FBXL14: variants seen among roughly 807,000 people sequenced by gnomAD.
The protein encoded by FBXL14 is F-box and leucine rich repeat protein 14.
Under a neutral mutation model 24.5 loss-of-function variants are expected in FBXL14, and 11 were observed. That is an observed-to-expected ratio of 0.45 (90% confidence interval 0.28 to 0.74). The LOEUF (loss-of-function observed/expected upper bound fraction) is 0.74. FBXL14 is among the 30% of genes least tolerant of loss of function. The pLI, the probability that FBXL14 is intolerant of heterozygous loss-of-function variation, is 0.12. For synonymous variants in FBXL14, 294 were observed against 240.4 expected (o/e 1.22, Z -2.06); for missense variants, 384 against 545.6 (o/e 0.70, Z 2.95).
Position 1,569,279 on chromosome 12 carries a change from T to TTC in FBXL14, c.1195-2471_1195-2470dup, listed in dbSNP as rs142138876. On this transcript the variant is annotated intron_variant, in intron 1 of 1. Transcript: ENST00000339235. The surrounding 1 kb of genome is among the most constrained non-coding windows in gnomAD (Gnocchi z 4.2). ...CCACTTAATTTCTGATGTTTTCTAA[T>TTC]TCTCTCTCTCTCTCTCCCTCTCCTT... Among the ~76,000 whole-genome samples, 2 of 151,344 alleles carry TTC rather than the reference T, an allele frequency of 1.3e-5. No homozygotes were observed. Among genetic ancestry groups the TTC allele is most frequent in the African/African-American group, 4.8e-5 (2 of 41,248 alleles).
chr12:1,574,472 C>G, intron 1 of FBXL14, among the ~76,000 whole-genome samples: 1 of 125,156 alleles, frequency 8.0e-6, no homozygotes. Flanking sequence ...TGGGTGGAGG[C>G]TGGGGTGAGG....
At chr12:1,568,884 G>A (rs2094440644) in intron 1 of FBXL14, among the ~76,000 whole-genome samples, 1 of 151,966 alleles carries the variant, frequency 6.6e-6, no homozygotes, top group Non-Finnish European at 1.5e-5. Context: ...TGTCATAGTG[G>A]GTCAAAAAAT....
rs35122636 is a variant in FBXL14, at chr12:1,569,397, CTTT to C, written c.1195-2590_1195-2588del. Among the ~76,000 whole-genome samples, 18 of 134,912 alleles carry C rather than the reference CTTT, an allele frequency of 1.3e-4. No homozygotes were observed. Among genetic ancestry groups the C allele is most frequent in the Admixed American group, 1.5e-4 (2 of 13,358 alleles). 88.5% of individuals were successfully genotyped at this position (134,912 alleles called of 152,430 possible). On this transcript the variant is annotated intron_variant, in intron 1 of 1. Coordinates refer to ENST00000339235, the MANE Select transcript of FBXL14 (RefSeq NM_152441.3). The surrounding 1 kb of genome is among the most constrained non-coding windows in gnomAD (Gnocchi z 4.2). ...ATGCTAAATAAGAAACCACTTCGTTCTTTTTTTTTTTTTTTTTGTCTGAGACGG... is the reference window on the plus strand; with the variant it reads ...ATGCTAAATAAGAAACCACTTCGTTCTTTTTTTTTTTTTTGTCTGAGACGG...
intron 1 of FBXL14, chr12:1,574,959 T>G (rs1029532904): frequency 6.6e-6 from 1 of 152,146 alleles, no homozygotes. Context: ...TTGAAAGTAC[T>G]TTTTGGACAG....
chr12:1,582,408 A>C (rs1029170344), intron 1 of FBXL14, among the ~76,000 whole-genome samples: 1 of 152,066 alleles, frequency 6.6e-6, no homozygotes, highest in Non-Finnish European at 1.5e-5. Flanking sequence ...CTGGCTCCTC[A>C]GCCAGCCCCG....
intron 1 of FBXL14, among the ~76,000 whole-genome samples, chr12:1,583,011 A>G (rs1213951014): frequency 6.6e-6 from 1 of 152,204 alleles, no homozygotes; most frequent in African/African-American, 2.4e-5. Context: ...AGGTCACACA[A>G]GCAACTTTAC....
chr12:1,573,918 T>C (rs917454125), intron 1 of FBXL14, among the ~76,000 whole-genome samples: 3 of 151,376 alleles, frequency 2.0e-5, no homozygotes, highest in African/African-American at 7.3e-5. Flanking sequence ...GGCAGGAGAA[T>C]CGCTTGAACC....
At position 1,578,988 on chromosome 12, in the gene FBXL14, C is replaced by A. The variant is rs549945818; in HGVS notation, c.1195-12178G>T. On this transcript the variant is annotated intron_variant, in intron 1 of 1. Coordinates refer to ENST00000339235, the MANE Select transcript of FBXL14 (RefSeq NM_152441.3). ...TTTCACTCCTGGAGAAAAGCTCTTA[C>A]AACATTTTTGGGACAAGGAGCAGGT... Among the ~76,000 whole-genome samples, 30 of 152,038 alleles carry A rather than the reference C, an allele frequency of 2.0e-4. No individual in the cohort carries two copies. In the East Asian group the frequency reaches 5.8e-3, roughly 29 times the overall value.
intron 1 of FBXL14, among the ~76,000 whole-genome samples, chr12:1,572,859 A>AT (rs1182351906): frequency 1.4e-5 from 2 of 147,676 alleles, no homozygotes; most frequent in African/African-American, 2.5e-5. Context: ...TGGAGGGGGG[A>AT]TGGAGAGGAA....
At chr12:1,578,079 C>G (rs1482768012) in intron 1 of FBXL14, among the ~76,000 whole-genome samples, 1 of 152,036 alleles carries the variant, frequency 6.6e-6, no homozygotes, top group Admixed American at 6.6e-5. Flanking sequence ...TTCATAACTG[C>G]GATATAATTT....
chr12:1,582,128 AAAGG>A (rs113876889), intron 1 of FBXL14, among the ~76,000 whole-genome samples: 15,594 of 147,838 alleles, frequency 0.11, 1,063 homozygotes, highest in East Asian at 0.26. Flanking sequence ...TGTCGAAAGA[AAAGG>A]AAGGAAGGAA....
At chr12:1,571,230 A>G (rs2094444998) in intron 1 of FBXL14, among the ~76,000 whole-genome samples, 3 of 151,934 alleles carry the variant, frequency 2.0e-5, no homozygotes, top group Non-Finnish European at 4.4e-5. Context: ...TTTTTGAGAC[A>G]GAGTTTTTGC....
At position 1,593,351 on chromosome 12, in the gene FBXL14, C is replaced by G; in HGVS notation, c.716G>C (p.Gly239Ala). 1 of 1,613,932 alleles carries G rather than the reference C, an allele frequency of 6.2e-7. No homozygotes were observed. Among genetic ancestry groups the G allele is most frequent in the Non-Finnish European group, 8.5e-7 (1 of 1,180,034 alleles). Residue 239 changes from glycine (G) to alanine (A), a missense_variant, in exon 1 of 2, where the codon GGG (glycine) becomes GCG (alanine). By Grantham distance (60) the Gly-to-Ala change is moderately conservative. Transcript: ENST00000339235. The surrounding 1 kb of genome is among the most constrained non-coding windows in gnomAD (Gnocchi z 7.4). ...GLRLLNLSFC[G>A]GISDAGLLHL... Reference sequence around the variant, plus strand: ...CAGGAGGCCAGCGTCCGAGATTCCCCCACAGAAGCTGAGGTTGAGGAGCCT... The same window carrying G: ...CAGGAGGCCAGCGTCCGAGATTCCCGCACAGAAGCTGAGGTTGAGGAGCCT...
chr12:1,574,398 G>A (rs79062704), intron 1 of FBXL14, among the ~76,000 whole-genome samples: 4,440 of 24,292 alleles, frequency 0.18, 91 homozygotes, highest in Non-Finnish European at 0.24. Flanking sequence ...AGGCTGGGGT[G>A]GGGGAGGCTG....
chr12:1,586,330 G>T (rs773734082), intron 1 of FBXL14, among the ~76,000 whole-genome samples: 1 of 151,970 alleles, frequency 6.6e-6, no homozygotes, highest in Non-Finnish European at 1.5e-5. Context: ...CTGCACTCCA[G>T]CCTGGGCAAC....
Position 1,592,782 on chromosome 12 carries a change from G to A in FBXL14, c.1194+91C>T. On this transcript the variant is annotated intron_variant, in intron 1 of 1. Coordinates refer to ENST00000339235, the MANE Select transcript of FBXL14 (RefSeq NM_152441.3). ...TCTCATCCGCTGCAATGATCTGTGC[G>A]TAAGTGTGCGTGTGAGTGTGTGGGG... 5 of 1,111,482 alleles carry A rather than the reference G, an allele frequency of 4.5e-6. No homozygotes were observed. The East Asian group carries it at 7.5e-5, about 17-fold the overall frequency. The allele number at this position is 1,111,482 out of a possible 1,614,324, so 68.9% of individuals were successfully genotyped here.
At chr12:1,568,804 T>A (rs938229011) in intron 1 of FBXL14, among the ~76,000 whole-genome samples, 2 of 152,120 alleles carry the variant, frequency 1.3e-5, no homozygotes, top group African/African-American at 2.4e-5. Flanking sequence ...GAGGTTGCAG[T>A]GAGCCGAGAT....
intron 1 of FBXL14, among the ~76,000 whole-genome samples, chr12:1,586,259 T>C (rs1444669856): frequency 6.6e-6 from 1 of 151,824 alleles, no homozygotes; most frequent in Non-Finnish European, 1.5e-5. Context: ...TTTTTAAGGC[T>C]GAGGTAGAAA....
intron 1 of FBXL14, among the ~76,000 whole-genome samples, chr12:1,571,270 A>G (rs540949690): frequency 1.4e-4 from 21 of 151,980 alleles, no homozygotes; most frequent in Non-Finnish European, 2.2e-4. Flanking sequence ...GTGCAATGGC[A>G]TGATCTCAGC....
Sources: allele counts gnomAD v4.1 joint callset (sites outside exome capture counted in the v4.1 genomes callset), GRCh38; gene constraint gnomAD v4.1.1; non-coding constraint Gnocchi (gnomAD v3.1); transcripts MANE v1.5; gene names NCBI Gene and HGNC (gene_info 2026-07-23, HGNC 2026-07-21).